DMD: variants seen among roughly 807,000 people sequenced by gnomAD.
DMD encodes dystrophin, also known as mutant dystrophin.
Under a neutral mutation model 330.1 loss-of-function variants are expected in DMD, and 63 were observed. The ratio of observed to expected loss-of-function variants is 0.19; its 90% CI spans 0.16 to 0.24. DMD has a LOEUF of 0.24. Among genes scored for constraint, DMD ranks in the 10% least tolerant of loss-of-function variants. The pLI, the probability that DMD is intolerant of heterozygous loss-of-function variation, is 1.00. For synonymous variants in DMD, 1,223 were observed against 959.8 expected, an observed-to-expected ratio of 1.27 and a Z score of -5.07; for missense variants, 3,344 against 2,684.1, an observed-to-expected ratio of 1.25 and a Z score of -5.43.
At chrX:31,583,166 T>TG (rs1360431274) in intron 55 of DMD, among the ~76,000 whole-genome samples, 3 of 112,177 alleles carry the variant, frequency 2.7e-5, no homozygotes, top group Admixed American at 9.5e-5. Flanking sequence ...AGAAGTTCAC[T>TG]GGGGAGTTGC....
chrX:31,424,537 G>C (rs1236716936), intron 60 of DMD, among the ~76,000 whole-genome samples: 5 of 112,340 alleles, frequency 4.5e-5, no homozygotes, highest in African/African-American at 1.6e-4. Flanking sequence ...TATTAGGCTG[G>C]ATGGTGCTTA....
chrX:31,436,651 T>C (rs1227178070), intron 60 of DMD, among the ~76,000 whole-genome samples: 3 of 112,071 alleles, frequency 2.7e-5, no homozygotes, highest in Non-Finnish European at 5.6e-5. Context: ...GTTCTTAAGC[T>C]TGACAGTACG....
At chrX:32,740,328 G>T (rs1258813354) in intron 7 of DMD, among the ~76,000 whole-genome samples, 1 of 110,148 alleles carries the variant, frequency 9.1e-6, no homozygotes, top group Non-Finnish European at 1.9e-5. Context: ...AGTGTATCCT[G>T]ATTTATAGGG....
chrX:32,583,233 C>G (rs1004695676), intron 13 of DMD, among the ~76,000 whole-genome samples: 1 of 111,856 alleles, frequency 8.9e-6, no homozygotes, highest in Non-Finnish European at 1.9e-5. Flanking sequence ...TGGTAGCTCA[C>G]GCCTGCAATC....
intron 11 of DMD, among the ~76,000 whole-genome samples, chrX:32,639,180 C>A (rs1214750646): frequency 8.9e-6 from 1 of 111,767 alleles, no homozygotes; most frequent in African/African-American, 3.3e-5. Flanking sequence ...AACTTTGAGT[C>A]CTTATAAAAA....
chrX:31,757,192 TATCATGTAGTAC>T (rs2089184287), intron 51 of DMD, among the ~76,000 whole-genome samples: 1 of 111,689 alleles, frequency 9.0e-6, no homozygotes, highest in Non-Finnish European at 1.9e-5. Context: ...ACAAAAACAA[TATCATGTAGTAC>T]ATACTGGTTT....
chrX:32,646,402 T>A (rs1475127572), intron 9 of DMD, among the ~76,000 whole-genome samples: 1 of 111,293 alleles, frequency 9.0e-6, no homozygotes, highest in East Asian at 2.8e-4. Flanking sequence ...GGCATACTAT[T>A]TACGGAGGTG....
chrX:32,924,983 T>C (rs2088829461), intron 2 of DMD, among the ~76,000 whole-genome samples: 1 of 110,231 alleles, frequency 9.1e-6, no homozygotes, highest in African/African-American at 3.3e-5. Context: ...ATAACCTGAA[T>C]ATTAAGAACA....
chrX:32,123,202 C>CATATATATATATATATATATATATATAT (rs59017074), intron 44 of DMD, among the ~76,000 whole-genome samples: 2 of 32,561 alleles, frequency 6.1e-5, no homozygotes, highest in Non-Finnish European at 1.0e-4. Flanking sequence ...TGTGAGCATG[C>CATATATATATATATATATATATATATAT]ATATATATAT....
At chrX:32,684,466 G>C (rs1220572046) in intron 9 of DMD, among the ~76,000 whole-genome samples, 1 of 111,092 alleles carries the variant, frequency 9.0e-6, no homozygotes, top group Non-Finnish European at 1.9e-5. Context: ...TTGAAAACCT[G>C]TTTTAACTAT....
intron 1 of DMD, among the ~76,000 whole-genome samples, chrX:33,078,886 A>T (rs1268847535): frequency 5.4e-5 from 6 of 112,115 alleles, no homozygotes; most frequent in African/African-American, 1.9e-4. Context: ...CTAATAACAT[A>T]TTTATACAAA....
intron 47 of DMD, among the ~76,000 whole-genome samples, chrX:31,878,475 C>T (rs973525123): frequency 8.9e-6 from 1 of 111,733 alleles, no homozygotes; most frequent in African/African-American, 3.3e-5. Context: ...TAAATTGTAT[C>T]CTCAAGTTAA....
At chrX:33,010,138 A>G (rs1215914069) in intron 2 of DMD, among the ~76,000 whole-genome samples, 1 of 101,444 alleles carries the variant, frequency 9.9e-6, no homozygotes, top group Non-Finnish European at 2.0e-5. Context: ...ATATGTATAT[A>G]TACGTGTATA....
chrX:32,576,695 T>C (rs1307263909), intron 13 of DMD, among the ~76,000 whole-genome samples: 1 of 99,289 alleles, frequency 1.0e-5, no homozygotes, highest in Non-Finnish European at 2.0e-5. Context: ...CTGCCAGTAA[T>C]TGAAGCCAAG....
intron 60 of DMD, among the ~76,000 whole-genome samples, chrX:31,351,552 G>C (rs55909918): frequency 0.27 from 28,691 of 107,236 alleles, 2,963 homozygotes; most frequent in East Asian, 0.53. Context: ...ATGATGAAAC[G>C]CAGTCTCTAC....
chrX:31,529,304 G>C (rs371117635), intron 55 of DMD, among the ~76,000 whole-genome samples: 2 of 110,608 alleles, frequency 1.8e-5, no homozygotes, highest in African/African-American at 3.3e-5. Flanking sequence ...AGGATTGCTT[G>C]AGCTCAGGAG....
chrX:31,363,972 A>G (rs1276972978), intron 60 of DMD, among the ~76,000 whole-genome samples: 2 of 112,655 alleles, frequency 1.8e-5, no homozygotes, highest in Non-Finnish European at 3.8e-5. Flanking sequence ...GTTTGAGATA[A>G]GAGAGTCCTA....
At chrX:33,127,351 A>T (rs770153335) in intron 1 of DMD, among the ~76,000 whole-genome samples, 32 of 109,381 alleles carry the variant, frequency 2.9e-4, no homozygotes, top group Middle Eastern at 4.7e-3. Flanking sequence ...TTCTATAATT[A>T]AAAAAAAACC....
At chrX:32,184,011 G>A (rs760748866) in intron 44 of DMD, among the ~76,000 whole-genome samples, 177 of 110,254 alleles carry the variant, frequency 1.6e-3, no homozygotes, top group African/African-American at 5.4e-3. Context: ...ATCCGCATTC[G>A]AAATGTACTT....
Sources: allele counts gnomAD v4.1 joint callset (sites outside exome capture counted in the v4.1 genomes callset), GRCh38; gene constraint gnomAD v4.1.1; transcripts MANE v1.5; gene names NCBI Gene and HGNC (gene_info 2026-07-23, HGNC 2026-07-21).